The following PDCD4 variants were observed in gnomAD, a reference collection of about 807,000 sequenced individuals.
PDCD4 encodes programmed cell death protein 4.
A neutral mutation model predicts 54.0 loss-of-function variants in PDCD4; 56 were observed. The observed-to-expected ratio is 1.04, with a 90% confidence interval of 0.84 to 1.30. The LOEUF (loss-of-function observed/expected upper bound fraction) is 1.30, where lower values mean the gene tolerates loss of function less well. Ranked by LOEUF, PDCD4 falls within the 50% of genes most tolerant of loss-of-function variation. The pLI is 0.00. For missense variants in PDCD4, 584 were observed against 559.8 expected (o/e 1.04, Z -0.44); for synonymous variants, 186 against 194.8 (o/e 0.95, Z 0.37).
intron 1 of PDCD4, among the ~76,000 whole-genome samples, chr10:110,872,568 G>GA (rs1378961965): frequency 6.6e-6 from 1 of 152,196 alleles, no homozygotes; most frequent in Non-Finnish European, 1.5e-5. Context: ...CCCGGGCTGG[G>GA]ACTTCGGGGG....
chr10:110,884,223 C>G (rs900665393), intron 4 of PDCD4, among the ~76,000 whole-genome samples: 1 of 152,182 alleles, frequency 6.6e-6, no homozygotes, highest in Admixed American at 6.5e-5. Flanking sequence ...GCAATGTATA[C>G]ACTACTCGTG....
chr10:110,891,565 A>G (rs1268314582), intron 8 of PDCD4, among the ~76,000 whole-genome samples: 1 of 152,112 alleles, frequency 6.6e-6, no homozygotes, highest in Admixed American at 6.5e-5. Context: ...AAAGGCATGC[A>G]ACTAGAAGAT....
intron 3 of PDCD4, 72 bp downstream of exon 3, chr10:110,881,607 C>A: frequency 1.6e-6 from 2 of 1,250,776 alleles, no homozygotes; most frequent in Non-Finnish European, 1.1e-6. Flanking sequence ...TTGTACTACA[C>A]TTTCCTTGTT....
chr10:110,877,729 T>C (rs1845527739), intron 2 of PDCD4, among the ~76,000 whole-genome samples: 1 of 152,220 alleles, frequency 6.6e-6, no homozygotes. Flanking sequence ...AGGCCTAAGA[T>C]AGACCCTCTT....
Position 110,890,656 on chromosome 10 carries a change from C to T in PDCD4, c.976C>T (p.His326Tyr), listed in dbSNP as rs760531189. ...GSGGGQQSVN[H>Y]LVKEIDMLLK... The stretch of plus-strand genomic sequence containing the variant: ...TGGAGGTGGGCAGCAATCTGTCAAT[C>T]ACCTTGTTAAAGAGGTAATGATTGG... The change falls in exon 8 of 12, where the codon CAC becomes TAC. Residue 326 changes from histidine to tyrosine, a missense_variant. Coordinates refer to ENST00000280154, the MANE Select transcript of PDCD4 (RefSeq NM_014456.5). 2.5e-6 allele frequency: 4 copies of T among 1,603,344 alleles called. No homozygotes were observed. The highest frequency in any genetic ancestry group is 3.4e-6 in the Non-Finnish European group (4 of 1,170,732).
chr10:110,883,715 C>A (rs1393465539), intron 4 of PDCD4, among the ~76,000 whole-genome samples: 2 of 151,978 alleles, frequency 1.3e-5, no homozygotes, highest in African/African-American at 4.8e-5. Flanking sequence ...AAGCAAATCC[C>A]AAATGTTTTG....
intron 2 of PDCD4, 129 bp downstream of exon 2, chr10:110,876,199 C>A: frequency 1.6e-6 from 1 of 610,714 alleles, no homozygotes; most frequent in Non-Finnish European, 2.8e-6. Context: ...CTTAAGAGAT[C>A]CTCCCCTATC....
chr10:110,894,509 A>G lies in PDCD4; in HGVS notation c.1196A>G (p.Asp399Gly), dbSNP rs1473433434. Reference sequence around the variant, plus strand: ...TGGAAGTCTTCTACCATTACTGTAGACCAAATGAAAAGAGTAAGTATAACA... The same window carrying G: ...TGGAAGTCTTCTACCATTACTGTAGGCCAAATGAAAAGAGTAAGTATAACA... The part of the protein sequence containing the change: ...SLWKSSTITV[D>G]QMKRGYERIY... Residue 399 changes from aspartate (D) to glycine (G), a missense_variant, in exon 10 of 12, where the codon GAC becomes GGC. Coordinates refer to ENST00000280154, the MANE Select transcript of PDCD4 (RefSeq NM_014456.5). 2.1e-6 allele frequency: 3 copies of G among 1,410,676 alleles called. No individual in the cohort carries two copies. In the African/African-American group the frequency reaches 4.2e-5, roughly 20 times the overall value. The allele number at this position is 1,410,676 out of a possible 1,614,324, so 87.4% of individuals were successfully genotyped here.
intron 1 of PDCD4, among the ~76,000 whole-genome samples, chr10:110,872,642 C>T (rs909053894): frequency 1.3e-5 from 2 of 152,212 alleles, no homozygotes; most frequent in African/African-American, 4.8e-5. Flanking sequence ...CGCGCGCTAT[C>T]CTCGCCGGGG....
intron 1 of PDCD4, 195 bp downstream of exon 1, chr10:110,872,213 A>G (rs1270983790): frequency 2.6e-5 from 4 of 151,676 alleles, no homozygotes; most frequent in Admixed American, 6.6e-5. Context: ...GCCCTCCCCA[A>G]CGCCCCGGAC....
intron 7 of PDCD4, 100 bp downstream of exon 7, chr10:110,889,730 C>A (rs188983669): frequency 1.7e-4 from 121 of 712,568 alleles, no homozygotes; most frequent in Middle Eastern, 1.3e-3. Context: ...CTCTGTACAT[C>A]TGTTTGTCAC....
At chr10:110,874,580 T>C (rs1303587435) in intron 1 of PDCD4, among the ~76,000 whole-genome samples, 1 of 152,140 alleles carries the variant, frequency 6.6e-6, no homozygotes, top group African/African-American at 2.4e-5. Flanking sequence ...ATTATAAAGA[T>C]TCACATATAT....
Position 110,894,504 on chromosome 10 carries a change from T to C in PDCD4, c.1191T>C (p.Thr397=), listed in dbSNP as rs1195109354. 2.8e-6 allele frequency: 4 copies of C among 1,448,462 alleles called. No homozygotes were observed. Among genetic ancestry groups the C allele is most frequent in the Non-Finnish European group, 3.9e-6 (4 of 1,033,742 alleles). The allele number at this position is 1,448,462 out of a possible 1,614,324, so 89.7% of individuals were successfully genotyped here. Residue 397 remains threonine, a synonymous_variant, in exon 10 of 12, where the codon ACT becomes ACC. Coordinates refer to ENST00000280154, the MANE Select transcript of PDCD4 (RefSeq NM_014456.5). ...LKSLWKSSTI[T]VDQMKRGYER... ...CCCTTTGGAAGTCTTCTACCATTAC[T>C]GTAGACCAAATGAAAAGAGTAAGTA...
chr10:110,877,517 GTTTTTAC>G (rs1013831022), intron 2 of PDCD4, among the ~76,000 whole-genome samples: 6 of 152,108 alleles, frequency 3.9e-5, no homozygotes, highest in Non-Finnish European at 5.9e-5. Flanking sequence ...AATTTCACCT[GTTTTTAC>G]TTTTTAATGT....
chr10:110,873,070 GGAAAC>G (rs1845446735), intron 1 of PDCD4, among the ~76,000 whole-genome samples: 1 of 152,008 alleles, frequency 6.6e-6, no homozygotes, highest in African/African-American at 2.4e-5. Flanking sequence ...GACTTTTTTG[GGAAAC>G]CACCAAGTGC....
intron 3 of PDCD4, 83 bp from the exon 4 acceptor site, chr10:110,882,920 T>A (rs1845613334): frequency 6.7e-6 from 6 of 893,894 alleles, no homozygotes; most frequent in Non-Finnish European, 1.1e-5. Context: ...TTAGCTGTTG[T>A]TTAACATCGG....
rs1845896931 is a variant in PDCD4, at chr10:110,898,875, C to G, written c.*787C>G. On this transcript the variant is annotated 3_prime_UTR_variant, in exon 12 of 12. Coordinates refer to ENST00000280154, the MANE Select transcript of PDCD4 (RefSeq NM_014456.5). ...GTGTTCCCTTGAAAACTTTTTTTCC[C>G]TACAAAATTTTAAGTGAAAAATACA... 2 of 152,436 alleles carry G rather than the reference C, an allele frequency of 1.3e-5. No homozygotes were observed. Among genetic ancestry groups the G allele is most frequent in the African/African-American group, 4.8e-5 (2 of 41,502 alleles). The allele number at this position is 152,436 out of a possible 1,614,324, so 9.4% of individuals were successfully genotyped here.
At chr10:110,891,873 A>AAGATAAAAGGCATCC (rs1845763571) in intron 8 of PDCD4, among the ~76,000 whole-genome samples, 1 of 152,194 alleles carries the variant, frequency 6.6e-6, no homozygotes, top group Non-Finnish European at 1.5e-5. Context: ...TTAGGCAGGA[A>AAGATAAAAGGCATCC]AGATAAAAGG....
chr10:110,893,885 A>C (rs2134005281), intron 8 of PDCD4, among the ~76,000 whole-genome samples: 1 of 152,256 alleles, frequency 6.6e-6, no homozygotes, highest in Middle Eastern at 3.4e-3. Context: ...CATTTGAATC[A>C]TAATTATGAA....
Sources: allele counts gnomAD v4.1 joint callset (sites outside exome capture counted in the v4.1 genomes callset), GRCh38; gene constraint gnomAD v4.1.1; transcripts MANE v1.5; gene names NCBI Gene and HGNC (gene_info 2026-07-23, HGNC 2026-07-21).